The following TTC28 variants were observed in gnomAD, a reference collection of about 807,000 sequenced individuals.
TTC28 encodes tetratricopeptide repeat domain 28, also known as tetratricopeptide repeat protein 28.
A neutral mutation model predicts 198.0 loss-of-function variants in TTC28; 61 were observed. The observed-to-expected ratio is 0.31, with a 90% CI of 0.25 to 0.38. The LOEUF (loss-of-function observed/expected upper bound fraction) is 0.38. TTC28 is among the 10% of genes least tolerant of loss of function. TTC28 has a pLI of 1.00. For missense variants in TTC28, 2,678 were observed against 3,164.0 expected, an observed-to-expected ratio of 0.85 and a Z score of 3.69; for synonymous variants, 1,171 against 1,297.8, an observed-to-expected ratio of 0.90 and a Z score of 2.10.
At chr22:28,253,374 G>C (rs745559149) in intron 5 of TTC28, among the ~76,000 whole-genome samples, 1 of 152,074 alleles carries the variant, frequency 6.6e-6, no homozygotes, top group Non-Finnish European at 1.5e-5. Context: ...AACAAAGACT[G>C]CAAATTGCCT....
chr22:28,163,379 T>G lies in TTC28; in HGVS notation c.1154A>C (p.Lys385Thr). The stretch of plus-strand genomic sequence containing the variant: ...CTCTTCTCGCTTGTTCCCCAGGTCC[T>G]TGGCTATCTTCAGATGCTGCTCATG... Reference protein sequence around the residue: ...QCHEQHLKIAKDLGNKREEAR... With the variant: ...QCHEQHLKIATDLGNKREEAR... The change falls in exon 6 of 23, where the codon AAG (lysine) becomes ACG (threonine). Residue 385 changes from lysine (K) to threonine (T), a missense_variant. Physicochemically the swap from Lys to Thr is moderately conservative, Grantham distance 78. Transcript: ENST00000397906. The G allele has an allele frequency of 1.3e-6, 2 of 1,552,084 alleles. No individual in the cohort carries two copies. Among genetic ancestry groups the G allele is most frequent in the Non-Finnish European group, 1.7e-6 (2 of 1,147,076 alleles).
At chr22:28,194,530 C>T (rs941662126) in intron 5 of TTC28, among the ~76,000 whole-genome samples, 25 of 151,824 alleles carry the variant, frequency 1.6e-4, no homozygotes, top group South Asian at 1.0e-3. Context: ...ATTGAGAGAC[C>T]GCTAGCAAGA....
chr22:28,355,666 T>A (rs2046066616), intron 2 of TTC28, among the ~76,000 whole-genome samples: 2 of 152,206 alleles, frequency 1.3e-5, no homozygotes, highest in Admixed American at 6.5e-5. Context: ...TCATTCCAAT[T>A]CCTCAAGGAA....
At chr22:28,447,077 C>A (rs2047712770) in intron 2 of TTC28, among the ~76,000 whole-genome samples, 1 of 152,150 alleles carries the variant, frequency 6.6e-6, no homozygotes, top group Non-Finnish European at 1.5e-5. Context: ...GAGCTAGAAT[C>A]CAGGGTTCTT....
At chr22:28,346,789 G>A (rs2045908837) in intron 2 of TTC28, among the ~76,000 whole-genome samples, 1 of 152,186 alleles carries the variant, frequency 6.6e-6, no homozygotes, top group African/African-American at 2.4e-5. Context: ...CTGAACCACT[G>A]TTCTGGGAGA....
At chr22:28,502,771 A>C (rs1294005969) in intron 2 of TTC28, among the ~76,000 whole-genome samples, 4 of 152,198 alleles carry the variant, frequency 2.6e-5, no homozygotes, top group Non-Finnish European at 4.4e-5. Flanking sequence ...AAGATTCTCC[A>C]ATTTTCACAA....
intron 2 of TTC28, among the ~76,000 whole-genome samples, chr22:28,448,783 A>G (rs1367979152): frequency 1.3e-5 from 2 of 152,196 alleles, no homozygotes; most frequent in Non-Finnish European, 2.9e-5. Flanking sequence ...GAAAACTGCT[A>G]CAGATCACTC....
rs571385796 is a variant in TTC28 at position 28,487,423 on chromosome 22, A to G, written c.381+142129T>C. Reference sequence around the variant, plus strand: ...AACTTCTTTCTCTGTATAAATGCATATATAAATTTTAATAAAAACTATAAA... The same window carrying G: ...AACTTCTTTCTCTGTATAAATGCATGTATAAATTTTAATAAAAACTATAAA... On this transcript the variant is annotated intron_variant, in intron 2 of 22. Transcript: ENST00000397906. 3.9e-5 allele frequency among the ~76,000 whole-genome samples: 6 copies of G among 152,008 alleles called. No individual in the cohort carries two copies. In the East Asian group the frequency reaches 1.2e-3, roughly 29 times the overall value.
At chr22:28,536,210 A>T (rs1365247988) in intron 2 of TTC28, among the ~76,000 whole-genome samples, 142 of 144,638 alleles carry the variant, frequency 9.8e-4, no homozygotes, top group African/African-American at 1.0e-3. Context: ...AAAAAAAAAA[A>T]AAAAAAAAAA....
At chr22:28,650,000 C>G (rs981689769) in intron 1 of TTC28, among the ~76,000 whole-genome samples, 1 of 152,026 alleles carries the variant, frequency 6.6e-6, no homozygotes, top group African/African-American at 2.4e-5. Context: ...CCAGTGAAAT[C>G]AAAACCACTA....
At position 28,146,267 on chromosome 22, in the gene TTC28, C is replaced by T. The variant is rs998471278; in HGVS notation, c.1441+16825G>A. ...ACAAGAAGAAGGGAAAAGAACAGTC[C>T]AATAGGATGTTTACGCAGAATACCA... On this transcript the variant is annotated intron_variant, in intron 6 of 22. Coordinates refer to ENST00000397906, the MANE Select transcript of TTC28 (RefSeq NM_001145418.2). Among the ~76,000 whole-genome samples, 13 of 152,258 alleles carry T rather than the reference C, an allele frequency of 8.5e-5. 2 individuals are homozygous for T. The highest frequency in any genetic ancestry group is 7.8e-4 in the Admixed American group (12 of 15,296).
intron 2 of TTC28, among the ~76,000 whole-genome samples, chr22:28,493,022 A>G (rs1422572995): frequency 6.7e-6 from 1 of 149,532 alleles, no homozygotes; most frequent in Admixed American, 6.7e-5. Context: ...CACCAAATCC[A>G]TTTAAGTCCA....
chr22:28,063,119 T>C (rs1940614294), intron 12 of TTC28, among the ~76,000 whole-genome samples: 1 of 152,222 alleles, frequency 6.6e-6, no homozygotes, highest in African/African-American at 2.4e-5. Context: ...TTAGTTCTTG[T>C]ATCTTTAGCT....
intron 5 of TTC28, among the ~76,000 whole-genome samples, chr22:28,202,706 T>C (rs1926080114): frequency 6.6e-6 from 1 of 152,182 alleles, no homozygotes; most frequent in African/African-American, 2.4e-5. Context: ...GCACGCACTG[T>C]CTAGCTCTTC....
chr22:28,327,594 T>C (rs2145864846), intron 2 of TTC28, among the ~76,000 whole-genome samples: 1 of 152,284 alleles, frequency 6.6e-6, no homozygotes, highest in East Asian at 1.9e-4. Context: ...CCTCAAACAG[T>C]TCAGTATTTG....
rs1001099558 is a variant in TTC28, at chr22:27,989,886, G to A, written c.5699C>T (p.Ala1900Val). 1.9e-6 allele frequency: 3 copies of A among 1,550,656 alleles called. No homozygotes were observed. The highest frequency in any genetic ancestry group is 2.6e-6 in the Non-Finnish European group (3 of 1,146,426). ...AAGGATTCTCTGCCTACCTAGAGCT[G>A]CCAGGAACTCGTGGCATCCCGGGAG... ...WRLPGCHEFL[A>V]ALGFDLCEVG... The change falls in exon 21 of 23, where the codon GCA (alanine) becomes GTA (valine). Residue 1900 changes from alanine (A) to valine (V), a missense_variant. Transcript: ENST00000397906.
At chr22:28,460,112 CTATCTAGTTT>C (rs2047925194) in intron 2 of TTC28, among the ~76,000 whole-genome samples, 1 of 152,062 alleles carries the variant, frequency 6.6e-6, no homozygotes. Flanking sequence ...AGCTATTTGT[CTATCTAGTTT>C]TATCTAGGAG....
At chr22:28,672,580 A>C (rs1337990131) in intron 1 of TTC28, among the ~76,000 whole-genome samples, 1 of 152,224 alleles carries the variant, frequency 6.6e-6, no homozygotes, top group East Asian at 1.9e-4. Flanking sequence ...GATTACAGGC[A>C]TGACCCACCA....
At chr22:28,167,036 A>G (rs1011326456) in intron 5 of TTC28, among the ~76,000 whole-genome samples, 5 of 152,242 alleles carry the variant, frequency 3.3e-5, no homozygotes, top group Non-Finnish European at 5.9e-5. Context: ...AGAGAATACT[A>G]TAAACACCTC....
Sources: allele counts gnomAD v4.1 joint callset (sites outside exome capture counted in the v4.1 genomes callset), GRCh38; gene constraint gnomAD v4.1.1; transcripts MANE v1.5; gene names NCBI Gene and HGNC (gene_info 2026-07-23, HGNC 2026-07-21).